PPP1R36: variants seen among roughly 807,000 people sequenced by gnomAD.
The protein encoded by PPP1R36 is protein phosphatase 1 regulatory subunit 36, also known as chromosome 14 open reading frame 50.
Under a neutral mutation model 53.4 loss-of-function variants are expected in PPP1R36, and 47 were observed. The ratio of observed to expected loss-of-function variants is 0.88; its 90% CI spans 0.70 to 1.12. PPP1R36 has a LOEUF of 1.12. Among genes scored for constraint, PPP1R36 ranks in the 50% most tolerant of loss-of-function variants. The pLI is 0.00. For missense variants in PPP1R36, 456 were observed against 513.9 expected (o/e 0.89, Z 1.09); for synonymous variants, 153 against 170.5 (o/e 0.90, Z 0.80).
chr14:64,568,110 A>G (rs972398912), intron 6 of PPP1R36, among the ~76,000 whole-genome samples: 2 of 152,210 alleles, frequency 1.3e-5, no homozygotes, highest in Non-Finnish European at 2.9e-5. Context: ...TAGTAAGCAC[A>G]ACTATAAGAA....
At chr14:64,585,997 T>C (rs1398556552) in intron 8 of PPP1R36, 1 of 152,350 alleles carries the variant, frequency 6.6e-6, no homozygotes, top group African/African-American at 2.4e-5. Context: ...TGGAGTGCAG[T>C]GGCACAATCT....
intron 7 of PPP1R36, among the ~76,000 whole-genome samples, chr14:64,572,880 A>G (rs1464623070): frequency 6.6e-6 from 1 of 152,186 alleles, no homozygotes; most frequent in Non-Finnish European, 1.5e-5. Flanking sequence ...GGAGCTGCTG[A>G]AGGAAACAGG....
At position 64,582,545 on chromosome 14, in the gene PPP1R36, C is replaced by T. The variant is rs374603833; in HGVS notation, c.669-4292C>T. The stretch of plus-strand genomic sequence containing the variant: ...CAGCATGGTGGCCACTTGCCACACG[C>T]GGCTGTTGAGCACTTTGAAATGTAG... On this transcript the variant is annotated intron_variant, in intron 8 of 11. Coordinates refer to ENST00000298705, the MANE Select transcript of PPP1R36 (RefSeq NM_172365.3). 6.6e-5 allele frequency among the ~76,000 whole-genome samples: 10 copies of T among 152,250 alleles called. No homozygotes were observed. In the South Asian group the frequency reaches 1.2e-3, roughly 19 times the overall value.
rs753084767 is a variant in PPP1R36, at chr14:64,565,665, G to T, written c.407G>T (p.Arg136Leu). ...LLLLQDTEMQRICSFTTFMRN... is the reference protein window; with the variant it reads ...LLLLQDTEMQLICSFTTFMRN... ...TTGCTACAAGATACTGAGATGCAGC[G>T]GATCTGTTCTTTTACAACATTTATG... The change falls in exon 6 of 12, where the codon CGG becomes CTG. Residue 136 changes from arginine (R) to leucine (L), a missense_variant. Physicochemically the swap from Arg to Leu is moderately radical, Grantham distance 102. Coordinates refer to ENST00000298705, the MANE Select transcript of PPP1R36 (RefSeq NM_172365.3). 3.1e-6 allele frequency: 5 copies of T among 1,613,380 alleles called. No homozygotes were observed. Among genetic ancestry groups the T allele is most frequent in the African/African-American group, 1.3e-5 (1 of 74,892 alleles).
At position 64,574,435 on chromosome 14, in the gene PPP1R36, T is replaced by G; in HGVS notation, c.534-20T>G. On this transcript the variant is annotated intron_variant, in intron 7 of 11. Transcript: ENST00000298705. Reference sequence around the variant, plus strand: ...TATGACAATTAACCCAAATTCTCTTTTTTTTGTCCTCCCCATCAGAGGCCT... The same window carrying G: ...TATGACAATTAACCCAAATTCTCTTGTTTTTGTCCTCCCCATCAGAGGCCT... 1 of 1,589,624 alleles carries G rather than the reference T, an allele frequency of 6.3e-7. No individual in the cohort carries two copies. The highest frequency in any genetic ancestry group is 8.5e-7 in the Non-Finnish European group (1 of 1,172,254).
Position 64,584,058 on chromosome 14 carries a change from C to T in PPP1R36, c.669-2779C>T, listed in dbSNP as rs543701138. ...CTGGGATTACAGGCACCTGCCACCA[C>T]GCCCGGCTAATTTTTGTATTTTTAG... is the stretch of plus-strand genomic sequence containing the variant. On this transcript the variant is annotated intron_variant, in intron 8 of 11. Coordinates refer to ENST00000298705, the MANE Select transcript of PPP1R36 (RefSeq NM_172365.3). 1.4e-3 allele frequency among the ~76,000 whole-genome samples: 217 copies of T among 151,804 alleles called. 1 individual carries two copies. Among genetic ancestry groups the T allele is most frequent in the South Asian group, 2.7e-3 (13 of 4,796 alleles).
chr14:64,561,948 A>G, intron 3 of PPP1R36: 1 of 398,436 alleles, frequency 2.5e-6, no homozygotes, highest in Middle Eastern at 3.6e-4. Context: ...CTTGTGTGGA[A>G]GCCAAGAGTG....
intron 8 of PPP1R36, among the ~76,000 whole-genome samples, chr14:64,580,240 G>A (rs945002663): frequency 2.0e-5 from 3 of 152,170 alleles, no homozygotes; most frequent in Non-Finnish European, 2.9e-5. Context: ...GGTTGAGGCT[G>A]CAATGTGTCA....
At chr14:64,568,160 C>A (rs144139640) in intron 6 of PPP1R36, among the ~76,000 whole-genome samples, 189 bp from the exon 7 acceptor site, 7 of 152,076 alleles carry the variant, frequency 4.6e-5, no homozygotes, top group Non-Finnish European at 1.0e-4. Context: ...CTTACAAAAA[C>A]CAGATTTCTT....
Position 64,574,459 on chromosome 14 carries a change from C to G in PPP1R36, c.538C>G (p.Leu180Val). ...EKKPKSYMVG[L>V]VEKKEMELVL... Reference sequence around the variant, plus strand: ...TTTTTTTGTCCTCCCCATCAGAGGCCTTGTAGAGAAAAAAGAAATGGAATT... The same window carrying G: ...TTTTTTTGTCCTCCCCATCAGAGGCGTTGTAGAGAAAAAAGAAATGGAATT... The change falls in exon 8 of 12, where the codon CTT (leucine) becomes GTT (valine). Residue 180 changes from leucine (L) to valine (V), a missense_variant. Physicochemically the swap from Leu to Val is conservative, Grantham distance 32. Transcript: ENST00000298705. 1 of 1,612,134 alleles carries G rather than the reference C, an allele frequency of 6.2e-7. No homozygotes were observed. Among genetic ancestry groups the G allele is most frequent in the Non-Finnish European group, 8.5e-7 (1 of 1,179,394 alleles).
chr14:64,582,306 C>T (rs528093612), intron 8 of PPP1R36, among the ~76,000 whole-genome samples: 1 of 152,286 alleles, frequency 6.6e-6, no homozygotes, highest in Admixed American at 6.5e-5. Flanking sequence ...AGCCCAGAAC[C>T]CTGGGTCTAG....
In PPP1R36 at chr14:64,549,975, C is replaced by A. The variant is rs769866548; in HGVS notation, c.-23C>A. On this transcript the variant is annotated 5_prime_UTR_variant, in exon 1 of 12. Coordinates refer to ENST00000298705, the MANE Select transcript of PPP1R36 (RefSeq NM_172365.3). ...CTGCGGGCGGTATCCTCGGCGACGC[C>A]GTATGGCTTCCAGGGCGAGGCCATG... 2 of 1,554,416 alleles carry A rather than the reference C, an allele frequency of 1.3e-6. No homozygotes were observed. The highest frequency in any genetic ancestry group is 1.7e-6 in the Non-Finnish European group (2 of 1,148,346).
chr14:64,569,488 T>C (rs2080286667), intron 7 of PPP1R36, among the ~76,000 whole-genome samples: 1 of 152,248 alleles, frequency 6.6e-6, no homozygotes, highest in South Asian at 2.1e-4. Context: ...GCCATCATAA[T>C]ATACAATATC....
intron 8 of PPP1R36, among the ~76,000 whole-genome samples, chr14:64,582,415 T>C (rs1003975386): frequency 6.6e-6 from 1 of 152,172 alleles, no homozygotes; most frequent in African/African-American, 2.4e-5. Flanking sequence ...TAAGAGAGCA[T>C]CATAACAGGC....
intron 7 of PPP1R36, among the ~76,000 whole-genome samples, chr14:64,570,468 C>T (rs566911968): frequency 1.3e-5 from 2 of 151,630 alleles, no homozygotes; most frequent in Admixed American, 6.6e-5. Flanking sequence ...GGCGACAGAG[C>T]GAGACTCCGC....
At chr14:64,551,032 TGCCTGGGG>T in intron 2 of PPP1R36, 47 bp downstream of exon 2, 1 of 1,287,716 alleles carries the variant, frequency 7.8e-7, no homozygotes, top group Non-Finnish European at 1.1e-6. Flanking sequence ...AAATTACATG[TGCCTGGGG>T]GAAAAAAAAG....
intron 3 of PPP1R36, chr14:64,562,139 C>A (rs1247219064): frequency 2.3e-5 from 4 of 176,332 alleles, no homozygotes; most frequent in Non-Finnish European, 3.6e-5. Context: ...GGTTTGGGCA[C>A]CAATCAGAGG....
intron 10 of PPP1R36, among the ~76,000 whole-genome samples, 172 bp from the exon 11 acceptor site, chr14:64,587,932 G>A (rs1246719811): frequency 2.0e-5 from 3 of 152,096 alleles, no homozygotes; most frequent in Non-Finnish European, 2.9e-5. Context: ...TTGTAGAGAC[G>A]GGGGTCTTGC....
At chr14:64,576,348 TG>T (rs2080341950) in intron 8 of PPP1R36, among the ~76,000 whole-genome samples, 1 of 152,196 alleles carries the variant, frequency 6.6e-6, no homozygotes, top group Non-Finnish European at 1.5e-5. Context: ...CCCAAAGTGC[TG>T]GGATTACGGG....
Sources: allele counts gnomAD v4.1 joint callset (sites outside exome capture counted in the v4.1 genomes callset), GRCh38; gene constraint gnomAD v4.1.1; transcripts MANE v1.5; gene names NCBI Gene and HGNC (gene_info 2026-07-23, HGNC 2026-07-21).